Variants in HLCS observed in about 807,000 individuals in gnomAD.
HLCS encodes biotin--protein ligase.
A neutral mutation model predicts 75.0 loss-of-function variants in HLCS; 53 were observed. The ratio of observed to expected loss-of-function variants is 0.71; its 90% CI spans 0.57 to 0.89. The LOEUF (loss-of-function observed/expected upper bound fraction) is 0.89, where lower values mean the gene tolerates loss of function less well. Among genes scored for constraint, HLCS ranks in the 40% least tolerant of loss-of-function variants. The pLI, the probability that HLCS is intolerant of heterozygous loss-of-function variation, is 0.00. For synonymous variants in HLCS, 431 were observed against 428.6 expected (o/e 1.01, Z -0.07); for missense variants, 966 against 1,074.0 (o/e 0.90, Z 1.41).
intron 1 of HLCS, among the ~76,000 whole-genome samples, chr21:36,986,240 T>C (rs1004603801): frequency 2.6e-5 from 4 of 152,190 alleles, no homozygotes; most frequent in African/African-American, 9.7e-5. Context: ...CCTCACCAGA[T>C]GTGGCTCCTC....
intron 6 of HLCS, among the ~76,000 whole-genome samples, chr21:36,785,475 C>G (rs902582482): frequency 1.3e-5 from 2 of 152,100 alleles, no homozygotes; most frequent in African/African-American, 4.8e-5. Context: ...GGGGGCTGAC[C>G]CCTTGAGACC....
rs182813851 is a variant in HLCS, at chr21:36,860,015, C to T, written c.1892+36845G>A. Among the ~76,000 whole-genome samples, 404 of 152,370 alleles carry T rather than the reference C, an allele frequency of 2.7e-3. 2 individuals carry two copies. Among genetic ancestry groups the T allele is most frequent in the African/African-American group, 9.4e-3 (393 of 41,592 alleles). ...ACTCAATCAATATTCATGCAGAGTC[C>T]ACTCTACAGCAGGCTCTAGGTCAGA... On this transcript the variant is annotated intron_variant, in intron 6 of 10. Coordinates refer to ENST00000674895, the MANE Select transcript of HLCS (RefSeq NM_001352514.2).
chr21:36,802,161 C>G (rs559770630), intron 6 of HLCS, among the ~76,000 whole-genome samples: 6 of 152,290 alleles, frequency 3.9e-5, no homozygotes, highest in Middle Eastern at 3.4e-3. Context: ...AGTCAGGCAG[C>G]TCTCCTCCAA....
intron 6 of HLCS, among the ~76,000 whole-genome samples, chr21:36,775,355 A>G (rs939899424): frequency 2.6e-5 from 4 of 152,224 alleles, no homozygotes; most frequent in African/African-American, 9.6e-5. Context: ...TATCCAATCA[A>G]AGTGAATACA....
Position 36,893,438 on chromosome 21 carries a change from T to C in HLCS, c.1892+3422A>G, listed in dbSNP as rs188309489. ...TCCACACACAGTAAATTCTGTTACC[T>C]AGAATTCTACACACTGGTATAATAC... On this transcript the variant is annotated intron_variant, in intron 6 of 10. Transcript: ENST00000674895. Among the ~76,000 whole-genome samples the C allele has an allele frequency of 3.7e-3, 562 of 152,300 alleles. 1 individual carries two copies. The highest frequency in any genetic ancestry group is 6.3e-3 in the Non-Finnish European group (431 of 68,026).
At position 36,754,324 on chromosome 21, in the gene HLCS, G is replaced by C. The variant is rs142437842; in HGVS notation, c.2544C>G (p.Gly848=). 1.9e-6 allele frequency: 3 copies of C among 1,613,824 alleles called. No homozygotes were observed. The highest frequency in any genetic ancestry group is 2.5e-6 in the Non-Finnish European group (3 of 1,179,984). Residue 848 remains glycine, a synonymous_variant, in exon 11 of 11, where the codon GGC becomes GGG. Coordinates refer to ENST00000674895, the MANE Select transcript of HLCS (RefSeq NM_001352514.2). ...CCGGGTGCACAGTCACAACCTCGCC[G>C]CCCTCCTGGTGAACCTGGAGGAAGC... is the stretch of plus-strand genomic sequence containing the variant. ...DSGFLQVHQE[G]GEVVTVHPDG... is the part of the protein sequence containing the mutation.
intron 6 of HLCS, among the ~76,000 whole-genome samples, chr21:36,778,055 A>G (rs551892212): frequency 9.9e-5 from 15 of 151,574 alleles, no homozygotes; most frequent in East Asian, 7.8e-4. Context: ...TGCAAGCTCC[A>G]CCTCCCGGGT....
rs2066926744 is a variant in HLCS at position 36,937,119 on chromosome 21, C to A, written c.767G>T (p.Cys256Phe). 6.2e-7 allele frequency: 1 copy of A among 1,614,192 alleles called. No homozygotes were observed. Among genetic ancestry groups the A allele is most frequent in the Non-Finnish European group, 8.5e-7 (1 of 1,180,028 alleles). ...YHLHLSSCHE[C>F]LELENSTIES... Reference sequence around the variant, plus strand: ...AATGGTGCTGTTCTCAAGTTCCAGACACTCGTGGCAACTAGACAGATGGAG... The same window carrying A: ...AATGGTGCTGTTCTCAAGTTCCAGAAACTCGTGGCAACTAGACAGATGGAG... Residue 256 changes from cysteine (C) to phenylalanine (F), a missense_variant, in exon 4 of 11, where the codon TGT becomes TTT. By Grantham distance (205) the Cys-to-Phe change is radical. Transcript: ENST00000674895.
chr21:36,792,730 G>A (rs572550808), intron 6 of HLCS, among the ~76,000 whole-genome samples: 5 of 152,202 alleles, frequency 3.3e-5, no homozygotes, highest in African/African-American at 7.2e-5. Context: ...CCCAAGTAAC[G>A]AAGCCAACAA....
intron 6 of HLCS, among the ~76,000 whole-genome samples, chr21:36,811,071 G>A (rs886728054): frequency 1.4e-5 from 2 of 144,778 alleles, no homozygotes; most frequent in Non-Finnish European, 3.1e-5. Flanking sequence ...TATTTGTCAT[G>A]TACAACACGT....
At chr21:36,814,444 G>T (rs2061601869) in intron 6 of HLCS, among the ~76,000 whole-genome samples, 1 of 152,108 alleles carries the variant, frequency 6.6e-6, no homozygotes, top group South Asian at 2.1e-4. Context: ...ATCATGCATG[G>T]GATATACTTA....
At chr21:36,923,398 G>A (rs191118395) in intron 5 of HLCS, among the ~76,000 whole-genome samples, 83 of 152,148 alleles carry the variant, frequency 5.5e-4, no homozygotes, top group African/African-American at 1.7e-3. Context: ...ATAAATAGAC[G>A]GAGGAAAGAA....
intron 4 of HLCS, 95 bp downstream of exon 4, chr21:36,936,354 T>A: frequency 8.9e-7 from 1 of 1,128,076 alleles, no homozygotes; most frequent in Non-Finnish European, 1.3e-6. Flanking sequence ...CACGAACTCC[T>A]GAAACTTTTA....
In HLCS at chr21:36,950,043, C is replaced by T. The variant is rs145615621; in HGVS notation, c.331-11049G>A. ...TGGACATGTCTCTATCTCAGCGTTC[C>T]TACTCCCAACACTCATCAAGCCCAT... On this transcript the variant is annotated intron_variant, in intron 2 of 10. Coordinates refer to ENST00000674895, the MANE Select transcript of HLCS (RefSeq NM_001352514.2). Among the ~76,000 whole-genome samples, 433 of 152,192 alleles carry T rather than the reference C, an allele frequency of 2.8e-3. 2 individuals are homozygous for T. The highest frequency in any genetic ancestry group is 9.9e-3 in the African/African-American group (413 of 41,520).
chr21:36,894,941 A>G (rs549237381), intron 6 of HLCS, among the ~76,000 whole-genome samples: 1 of 152,152 alleles, frequency 6.6e-6, no homozygotes, highest in South Asian at 2.1e-4. Flanking sequence ...TTCACCCAAA[A>G]ACACAGGCTG....
At chr21:36,980,501 T>A (rs1228837656) in intron 1 of HLCS, 1 of 151,990 alleles carries the variant, frequency 6.6e-6, no homozygotes, top group Non-Finnish European at 1.5e-5. Context: ...AAAAGCAGGA[T>A]CCAAGGCAGG....
At chr21:36,827,086 T>C (rs887303866) in intron 6 of HLCS, among the ~76,000 whole-genome samples, 2 of 152,028 alleles carry the variant, frequency 1.3e-5, no homozygotes, top group African/African-American at 4.8e-5. Context: ...GGCGGCCCAA[T>C]AGACACAGGA....
chr21:36,852,077 A>G (rs907287449), intron 6 of HLCS: 1 of 152,232 alleles, frequency 6.6e-6, no homozygotes, highest in African/African-American at 2.4e-5. Context: ...TTAAGACGAC[A>G]GATTATAAGT....
Position 36,966,425 on chromosome 21 carries a change from G to GGGGCCC in HLCS, c.195+18_195+19insGGGCCC. On this transcript the variant is annotated intron_variant, in intron 1 of 10. Transcript: ENST00000674895. ...CCGGCTCGCGGGGCCCGGGTCGCCC[G>GGGGCCC]CCCGCCCGACCCGCCCACCTGGCTG... 2.4e-4 allele frequency: 46 copies of GGGGCCC among 195,412 alleles called. No individual in the cohort carries two copies. The highest frequency in any genetic ancestry group is 3.8e-4 in the Non-Finnish European group (44 of 116,666). 12.1% of individuals were successfully genotyped at this position (195,412 alleles called of 1,614,324 possible). A position where few individuals can be genotyped will look rare whatever the true frequency, so the allele number is the denominator to read the frequency against.
Sources: allele counts gnomAD v4.1 joint callset (sites outside exome capture counted in the v4.1 genomes callset), GRCh38; gene constraint gnomAD v4.1.1; transcripts MANE v1.5; gene names NCBI Gene and HGNC (gene_info 2026-07-23, HGNC 2026-07-21).